FILIP1: variants seen among roughly 807,000 people sequenced by gnomAD.
The protein encoded by FILIP1 is filamin A interacting protein 1.
FILIP1 carries 61 observed loss-of-function variants against 102.1 expected under a neutral mutation model. The ratio of observed to expected loss-of-function variants is 0.60; its 90% CI spans 0.49 to 0.74. FILIP1 has a LOEUF of 0.74. Among genes scored for constraint, FILIP1 ranks in the 30% least tolerant of loss-of-function variants. The pLI, the probability that FILIP1 is intolerant of heterozygous loss-of-function variation, is 0.00. For synonymous variants in FILIP1, 491 were observed against 526.9 expected, an observed-to-expected ratio of 0.93 and a Z score of 0.93; for missense variants, 1,314 against 1,441.2, an observed-to-expected ratio of 0.91 and a Z score of 1.43.
intron 4 of FILIP1, among the ~76,000 whole-genome samples, chr6:75,327,339 G>C (rs185097063): frequency 6.6e-6 from 1 of 151,980 alleles, no homozygotes; most frequent in Non-Finnish European, 1.5e-5. Flanking sequence ...CTGGATTATT[G>C]CAAGAGCCAC....
intron 1 of FILIP1, among the ~76,000 whole-genome samples, chr6:75,440,469 T>C (rs144554394): frequency 6.6e-6 from 1 of 152,190 alleles, no homozygotes; most frequent in Non-Finnish European, 1.5e-5. Context: ...TAAACAACAT[T>C]TGTAGTATTA....
chr6:75,390,557 A>G (rs975265267), intron 2 of FILIP1, among the ~76,000 whole-genome samples: 1 of 152,058 alleles, frequency 6.6e-6, no homozygotes. Context: ...GGAGCAAGAG[A>G]GCAAGGCGAG....
Position 75,441,467 on chromosome 6 carries a change from T to TCC in FILIP1, c.-6-26490_-6-26489insGG, listed in dbSNP as rs1440481982. 2.6e-5 allele frequency among the ~76,000 whole-genome samples: 4 copies of TCC among 152,148 alleles called. No homozygotes were observed. In the South Asian group the frequency reaches 8.3e-4, roughly 32 times the overall value. On this transcript the variant is annotated intron_variant, in intron 1 of 5. Coordinates refer to ENST00000237172, the MANE Select transcript of FILIP1 (RefSeq NM_015687.5). The stretch of plus-strand genomic sequence containing the variant: ...CTATTCCACAAAACCGCCATTGTCA[T>TCC]CATGGCCCGTTCTCAATGAGCTGTT...
chr6:75,467,382 T>A (rs572066574), intron 1 of FILIP1, among the ~76,000 whole-genome samples: 9 of 152,278 alleles, frequency 5.9e-5, no homozygotes, highest in Admixed American at 4.6e-4. Context: ...CCACAGGACA[T>A]CCTTGTGTGA....
intron 4 of FILIP1, among the ~76,000 whole-genome samples, chr6:75,324,378 A>G (rs1049463889): frequency 6.6e-5 from 10 of 151,932 alleles, no homozygotes; most frequent in Middle Eastern, 3.4e-3. Context: ...AATATACCTA[A>G]CCAAGGAGAT....
intron 2 of FILIP1, among the ~76,000 whole-genome samples, chr6:75,407,759 G>T (rs1401613848): frequency 6.6e-6 from 1 of 152,090 alleles, no homozygotes; most frequent in Non-Finnish European, 1.5e-5. Flanking sequence ...AACAACAAAA[G>T]GGAAAAGAAT....
intron 4 of FILIP1, among the ~76,000 whole-genome samples, chr6:75,346,362 T>C (rs1411572329): frequency 6.6e-6 from 1 of 152,214 alleles, no homozygotes; most frequent in East Asian, 1.9e-4. Context: ...AAAGAGTCTT[T>C]AATCAGAGGC....
intron 2 of FILIP1, among the ~76,000 whole-genome samples, chr6:75,412,671 A>G (rs1777119654): frequency 6.6e-6 from 1 of 152,190 alleles, no homozygotes; most frequent in Non-Finnish European, 1.5e-5. Flanking sequence ...AAGAATATAT[A>G]TCTATAGTTC....
intron 6 of FILIP1, among the ~76,000 whole-genome samples, chr6:75,297,998 T>G (rs1243414269): frequency 6.6e-6 from 1 of 152,206 alleles, no homozygotes; most frequent in African/African-American, 2.4e-5. Flanking sequence ...GCAGTGGAAA[T>G]TTACAAAATG....
chr6:75,298,159 G>A lies in FILIP1; in HGVS notation c.3494-2209C>T, dbSNP rs1582301530. On this transcript the variant is annotated intron_variant, in intron 6 of 6. Coordinates refer to the FILIP1 transcript ENST00000393004. Reference sequence around the variant, plus strand: ...TCAAAATCTCCATCATAGTAATAAGGGTCCGTACACAGAAGAAACAATGTC... The same window carrying A: ...TCAAAATCTCCATCATAGTAATAAGAGTCCGTACACAGAAGAAACAATGTC... 4.6e-5 allele frequency among the ~76,000 whole-genome samples: 7 copies of A among 152,050 alleles called. 1 individual carries two copies. In the South Asian group the frequency reaches 1.5e-3, roughly 32 times the overall value.
chr6:75,332,140 C>T (rs557729727), intron 4 of FILIP1, among the ~76,000 whole-genome samples: 1 of 152,226 alleles, frequency 6.6e-6, no homozygotes, highest in African/African-American at 2.4e-5. Flanking sequence ...TTATAGCAGC[C>T]TGAATGAACC....
chr6:75,357,630 G>T (rs1231374437), intron 3 of FILIP1, among the ~76,000 whole-genome samples: 1 of 152,238 alleles, frequency 6.6e-6, no homozygotes, highest in African/African-American at 2.4e-5. Context: ...TGCAGATCCA[G>T]ACTTTAGAAT....
chr6:75,292,438 T>C (rs573727700), exon 7 of FILIP1: 1 of 152,324 alleles, frequency 6.6e-6, no homozygotes, highest in East Asian at 1.9e-4. Flanking sequence ...TGTTCAAATG[T>C]GTGGATCTAC....
intron 3 of FILIP1, among the ~76,000 whole-genome samples, chr6:75,355,601 C>A (rs1774966509): frequency 6.6e-6 from 1 of 152,080 alleles, no homozygotes; most frequent in African/African-American, 2.4e-5. Flanking sequence ...TGAGTTTTCA[C>A]CATGTTGGCC....
chr6:75,442,199 G>A (rs1005057714), intron 1 of FILIP1, among the ~76,000 whole-genome samples: 4 of 151,878 alleles, frequency 2.6e-5, no homozygotes, highest in Admixed American at 6.6e-5. Flanking sequence ...ATGGGATGGC[G>A]GCCGGGAAGA....
At chr6:75,331,201 G>T (rs1037686171) in intron 4 of FILIP1, among the ~76,000 whole-genome samples, 1 of 152,088 alleles carries the variant, frequency 6.6e-6, no homozygotes, top group African/African-American at 2.4e-5. Context: ...TGCTCAATAC[G>T]TAACTAGTAA....
intron 2 of FILIP1, among the ~76,000 whole-genome samples, chr6:75,390,635 A>G (rs1776253891): frequency 6.6e-6 from 1 of 152,148 alleles, no homozygotes; most frequent in African/African-American, 2.4e-5. Flanking sequence ...TACCAAGGGG[A>G]GTGGTGCTAA....
At chr6:75,462,900 A>C (rs549128219) in intron 1 of FILIP1, among the ~76,000 whole-genome samples, 1 of 152,294 alleles carries the variant, frequency 6.6e-6, no homozygotes, top group Admixed American at 6.5e-5. Flanking sequence ...AGAGCAGTTA[A>C]GTGGAGGTGG....
At chr6:75,452,797 A>G (rs948749072) in intron 1 of FILIP1, among the ~76,000 whole-genome samples, 34 of 152,132 alleles carry the variant, frequency 2.2e-4, no homozygotes, top group Non-Finnish European at 1.3e-4. Flanking sequence ...TGTATGATTT[A>G]TTTTCTTTAT....
Sources: allele counts gnomAD v4.1 joint callset (sites outside exome capture counted in the v4.1 genomes callset), GRCh38; gene constraint gnomAD v4.1.1; transcripts MANE v1.5; gene names NCBI Gene and HGNC (gene_info 2026-07-23, HGNC 2026-07-21).